The following KYNU variants were observed in gnomAD, a reference collection of about 807,000 sequenced individuals.
The protein encoded by KYNU is L-kynurenine hydrolase.
Under a neutral mutation model 59.2 loss-of-function variants are expected in KYNU, and 54 were observed. The observed-to-expected ratio is 0.91, with a 90% CI of 0.73 to 1.14. KYNU has a LOEUF of 1.14. Ranked by LOEUF, KYNU falls within the 50% of genes most tolerant of loss-of-function variation. KYNU has a pLI of 0.00. For missense variants in KYNU, 567 were observed against 554.4 expected, an observed-to-expected ratio of 1.02 and a Z score of -0.23; for synonymous variants, 177 against 192.0, an observed-to-expected ratio of 0.92 and a Z score of 0.65.
chr2:142,973,718 A>G (rs927897116), intron 8 of KYNU, among the ~76,000 whole-genome samples: 1 of 152,198 alleles, frequency 6.6e-6, no homozygotes, highest in African/African-American at 2.4e-5. Flanking sequence ...CATTACACTC[A>G]AGAAATTTTA....
intron 3 of KYNU, among the ~76,000 whole-genome samples, chr2:142,923,839 T>A (rs1467871928): frequency 6.6e-6 from 1 of 152,236 alleles, no homozygotes; most frequent in Non-Finnish European, 1.5e-5. Flanking sequence ...TAGGTAAGAT[T>A]ATTTAAAGAC....
intron 8 of KYNU, among the ~76,000 whole-genome samples, chr2:142,972,092 A>G (rs1467641577): frequency 6.6e-6 from 1 of 152,210 alleles, no homozygotes; most frequent in Non-Finnish European, 1.5e-5. Flanking sequence ...AGAGAACAGC[A>G]TGACTGAATT....
In KYNU at chr2:143,048,169, A is replaced by G. The variant is rs537147191; in HGVS notation, c.*5997A>G. On this transcript the variant is annotated 3_prime_UTR_variant, in exon 14 of 14. Coordinates refer to ENST00000264170, the MANE Select transcript of KYNU (RefSeq NM_003937.3). ...CTCATTTTCTTTTTGATTTTTATTT[A>G]TTTTCCTCTGTTTTTCTTCTTTTGG... is the stretch of plus-strand genomic sequence containing the variant. 6.6e-6 allele frequency: 1 copy of G among 150,824 alleles called. No homozygotes were observed. Among genetic ancestry groups the G allele is most frequent in the South Asian group, 2.1e-4 (1 of 4,784 alleles). 9.3% of individuals were successfully genotyped at this position (150,824 alleles called of 1,614,324 possible).
chr2:143,006,925 A>G (rs1419838908), intron 10 of KYNU, among the ~76,000 whole-genome samples: 1 of 152,146 alleles, frequency 6.6e-6, no homozygotes, highest in African/African-American at 2.4e-5. Context: ...ATCATCAAAG[A>G]CCAAAAGTAG....
At chr2:142,986,150 T>C (rs1685192477) in intron 10 of KYNU, 129 bp downstream of exon 10, 1 of 698,996 alleles carries the variant, frequency 1.4e-6, no homozygotes, top group African/African-American at 1.8e-5. Flanking sequence ...ATTATTTTCC[T>C]ACTCTGCTAA....
intron 9 of KYNU, among the ~76,000 whole-genome samples, chr2:142,985,709 A>T (rs913661781): frequency 1.3e-5 from 2 of 151,916 alleles, no homozygotes; most frequent in African/African-American, 4.8e-5. Context: ...TACCAGCTGG[A>T]GCAAAATTGC....
At chr2:143,040,352 T>A in intron 12 of KYNU, 76 bp from the exon 13 acceptor site, 1 of 974,872 alleles carries the variant, frequency 1.0e-6, no homozygotes, top group Non-Finnish European at 1.6e-6. Flanking sequence ...TTCCTTTTTA[T>A]GCATGATTTA....
At chr2:142,929,247 GA>G (rs1037045832) in intron 4 of KYNU, among the ~76,000 whole-genome samples, 3 of 141,302 alleles carry the variant, frequency 2.1e-5, no homozygotes, top group Admixed American at 1.5e-4. Context: ...GAATGGAATA[GA>G]AAAAAAAATT....
chr2:142,990,208 C>T (rs1685356902), intron 10 of KYNU, among the ~76,000 whole-genome samples: 2 of 151,608 alleles, frequency 1.3e-5, no homozygotes, highest in African/African-American at 4.8e-5. Context: ...ATGTTTTTGC[C>T]CCACTTCAAG....
At chr2:142,954,600 T>C (rs912630943) in intron 4 of KYNU, among the ~76,000 whole-genome samples, 5 of 152,078 alleles carry the variant, frequency 3.3e-5, no homozygotes, top group Non-Finnish European at 7.4e-5. Context: ...AAAAGAAATT[T>C]AATTTTAGCT....
chr2:142,942,905 G>A lies in KYNU; in HGVS notation c.374-11905G>A, dbSNP rs146291953. ...GGCTGCATGTGCAGTGTGTTTACTGGAGATATGTGCATACTCACTTGAGGC... is the reference window on the plus strand; with the variant it reads ...GGCTGCATGTGCAGTGTGTTTACTGAAGATATGTGCATACTCACTTGAGGC... On this transcript the variant is annotated intron_variant, in intron 4 of 13. Transcript: ENST00000264170. Among the ~76,000 whole-genome samples, 443 of 152,248 alleles carry A rather than the reference G, an allele frequency of 2.9e-3. 4 individuals carry two copies. Among genetic ancestry groups the A allele is most frequent in the African/African-American group, 0.01 (422 of 41,546 alleles).
intron 12 of KYNU, 92 bp from the exon 13 acceptor site, chr2:143,040,335 TG>T: frequency 1.2e-6 from 1 of 823,638 alleles, no homozygotes; most frequent in Non-Finnish European, 2.1e-6. Flanking sequence ...AGATCAAATA[TG>T]GGCATTTCCT....
intron 3 of KYNU, among the ~76,000 whole-genome samples, chr2:142,922,943 T>C (rs1682929827): frequency 6.6e-6 from 1 of 152,130 alleles, no homozygotes; most frequent in African/African-American, 2.4e-5. Flanking sequence ...CTGGCTGACT[T>C]AGTGTCTGGT....
Position 142,988,806 on chromosome 2 carries a change from C to T in KYNU, c.902+2785C>T, listed in dbSNP as rs10199416. 0.01 allele frequency: 14,230 copies of T among 1,418,408 alleles called. 674 individuals carry two copies. The African/African-American group carries it at 0.14, about 14-fold the overall frequency. 87.9% of individuals were successfully genotyped at this position (1,418,408 alleles called of 1,614,324 possible). A position where few individuals can be genotyped will look rare whatever the true frequency, so the allele number is the denominator to read the frequency against. On this transcript the variant is annotated intron_variant, in intron 10 of 13. Transcript: ENST00000264170. ...CAACTTCTAGCCTTGGCTCTCTATT[C>T]TGTACCAAGTATCTTATATTGTACT...
At chr2:142,992,563 T>C (rs1333300814) in intron 10 of KYNU, among the ~76,000 whole-genome samples, 2 of 151,832 alleles carry the variant, frequency 1.3e-5, no homozygotes, top group Non-Finnish European at 2.9e-5. Context: ...ATTTAAGTGG[T>C]TTTTTCATAT....
At chr2:143,020,392 T>C (rs1325953300) in intron 10 of KYNU, among the ~76,000 whole-genome samples, 1 of 152,154 alleles carries the variant, frequency 6.6e-6, no homozygotes, top group Non-Finnish European at 1.5e-5. Flanking sequence ...GACTCACTGG[T>C]TGTTCAGGAG....
At chr2:142,887,756 G>T (rs951621273) in intron 2 of KYNU, among the ~76,000 whole-genome samples, 6 of 152,170 alleles carry the variant, frequency 3.9e-5, no homozygotes, top group Non-Finnish European at 8.8e-5. Flanking sequence ...CAGGAACTTG[G>T]AGAGGGAGAA....
intron 1 of KYNU, chr2:142,881,292 AC>A (rs1177657781): frequency 6.6e-6 from 1 of 152,224 alleles, no homozygotes; most frequent in Non-Finnish European, 1.5e-5. Context: ...AGGAGTCACA[AC>A]TGATATCAAA....
At chr2:142,929,374 A>G (rs79126007) in intron 4 of KYNU, among the ~76,000 whole-genome samples, 2 of 124,936 alleles carry the variant, frequency 1.6e-5, no homozygotes. Flanking sequence ...AAAAAAAAAA[A>G]AAAAAAAAAG....
Sources: gnomAD v4.1 joint callset for allele counts (sites outside exome capture counted in the v4.1 genomes callset) on GRCh38, gnomAD v4.1.1 for gene constraint, MANE v1.5 for transcripts, NCBI Gene and HGNC (gene_info 2026-07-23, HGNC 2026-07-21) for gene names.